Variants in SOX6 observed in about 807,000 individuals in gnomAD.
The protein encoded by SOX6 is transcription factor SOX-6.
SOX6 carries 11 observed loss-of-function variants against 97.8 expected under a neutral mutation model. The observed-to-expected ratio is 0.11, with a 90% CI of 0.07 to 0.19. SOX6 has a LOEUF of 0.19. Ranked by LOEUF, SOX6 falls within the 10% of genes least tolerant of loss-of-function variation. The pLI is 1.00. For synonymous variants in SOX6, 360 were observed against 371.4 expected (o/e 0.97, Z 0.35); for missense variants, 810 against 1,039.5 (o/e 0.78, Z 3.04).
chr11:16,071,628 A>C (rs1848227194), intron 9 of SOX6, among the ~76,000 whole-genome samples: 1 of 152,202 alleles, frequency 6.6e-6, no homozygotes, highest in African/African-American at 2.4e-5. Flanking sequence ...CTTCCAGCCC[A>C]GTGGTCTTGC....
intron 1 of SOX6, among the ~76,000 whole-genome samples, chr11:16,461,784 A>G (rs984264309): frequency 1.2e-4 from 19 of 152,276 alleles, no homozygotes; most frequent in Non-Finnish European, 2.2e-4. Context: ...AGGAAATTCC[A>G]TCTCCTCTCT....
chr11:16,255,150 C>A (rs748321437), intron 3 of SOX6, among the ~76,000 whole-genome samples: 6 of 151,938 alleles, frequency 3.9e-5, no homozygotes, highest in Non-Finnish European at 1.5e-5. Flanking sequence ...TAGATGAATT[C>A]ACTATTATAG....
At chr11:16,162,055 T>A (rs1015970487) in intron 6 of SOX6, among the ~76,000 whole-genome samples, 1 of 152,194 alleles carries the variant, frequency 6.6e-6, no homozygotes, top group Non-Finnish European at 1.5e-5. Context: ...ACAACTGTAA[T>A]AATTGTTCCT....
chr11:16,241,027 G>A (rs773242771), intron 3 of SOX6, among the ~76,000 whole-genome samples: 4 of 151,984 alleles, frequency 2.6e-5, no homozygotes, highest in Non-Finnish European at 4.4e-5. Context: ...GGAGAGGGGT[G>A]CAAAAAATCC....
chr11:16,377,694 C>T (rs1857680954), intron 1 of SOX6, among the ~76,000 whole-genome samples: 1 of 152,112 alleles, frequency 6.6e-6, no homozygotes, highest in South Asian at 2.1e-4. Context: ...AATAACATTT[C>T]CATTGATTGT....
At chr11:16,714,547 G>T (rs1217939288) in intron 3 of SOX6, among the ~76,000 whole-genome samples, 1 of 150,798 alleles carries the variant, frequency 6.6e-6, no homozygotes, top group Non-Finnish European at 1.5e-5. Flanking sequence ...CGCCTCCCGG[G>T]TTCAAGCAAT....
chr11:16,147,265 C>T (rs2134050267), intron 6 of SOX6, among the ~76,000 whole-genome samples: 1 of 152,224 alleles, frequency 6.6e-6, no homozygotes, highest in East Asian at 1.9e-4. Flanking sequence ...ACAAACCAAA[C>T]ACTGCATGTT....
rs148624147 is a variant in SOX6, at chr11:16,001,160, C to T, written c.1733-11930G>A. Among the ~76,000 whole-genome samples the T allele has an allele frequency of 9.9e-5, 15 of 152,186 alleles. No individual in the cohort carries two copies. The East Asian group carries it at 2.5e-3, about 26-fold the overall frequency. Reference sequence around the variant, plus strand: ...GATTACAGACGTGAGCCACTGCTCTCGGCTGGAAACAAACATTTCATTAAT... The same window carrying T: ...GATTACAGACGTGAGCCACTGCTCTTGGCTGGAAACAAACATTTCATTAAT... On this transcript the variant is annotated intron_variant, in intron 13 of 15. Coordinates refer to ENST00000683767, the MANE Select transcript of SOX6 (RefSeq NM_001367873.1).
intron 3 of SOX6, among the ~76,000 whole-genome samples, chr11:16,306,773 A>C (rs1017140526): frequency 6.6e-6 from 1 of 151,750 alleles, no homozygotes; most frequent in African/African-American, 2.4e-5. Context: ...CTACAGGTAC[A>C]TGCCACCATG....
intron 15 of SOX6, among the ~76,000 whole-genome samples, chr11:15,980,582 T>C (rs146464850): frequency 6.6e-6 from 1 of 152,160 alleles, no homozygotes; most frequent in Non-Finnish European, 1.5e-5. Context: ...ACCCTACCCA[T>C]CTTATGTTTT....
intron 1 of SOX6, among the ~76,000 whole-genome samples, chr11:16,414,430 A>G: frequency 6.6e-6 from 1 of 152,224 alleles, no homozygotes; most frequent in East Asian, 1.9e-4. Context: ...AAATTATGAA[A>G]AGAATTGGGA....
intron 3 of SOX6, chr11:16,284,017 G>A (rs1854658626): frequency 3.7e-6 from 1 of 269,250 alleles, no homozygotes; most frequent in Non-Finnish European, 7.2e-6. Flanking sequence ...TAATGAGATA[G>A]AATACTTCTT....
chr11:16,484,384 C>A lies in SOX6; in HGVS notation n.610-7996G>T, dbSNP rs113125898. On this transcript the variant is annotated intron_variant and non_coding_transcript_variant, in intron 4 of 5. Coordinates refer to the SOX6 transcript ENST00000524520. ...GGTAGTCCAGCTTCATGTCACTAAG[C>A]GTCTTCTGGCAGGCTCCTTTAACCA... The A allele has an allele frequency of 4.0e-5, 32 of 794,544 alleles. No homozygotes were observed. The African/African-American group carries it at 4.7e-4, about 12-fold the overall frequency. 49.2% of individuals were successfully genotyped at this position (794,544 alleles called of 1,614,324 possible). A position where few individuals can be genotyped will look rare whatever the true frequency, so the allele number is the denominator to read the frequency against.
chr11:16,349,721 A>AAGGAAGGAAGG, intron 1 of SOX6, among the ~76,000 whole-genome samples: 2 of 99,482 alleles, frequency 2.0e-5, no homozygotes, highest in South Asian at 4.2e-4. Context: ...AGGAAGAAGG[A>AAGGAAGGAAGG]AGGAAGGAAG....
intron 9 of SOX6, among the ~76,000 whole-genome samples, chr11:16,086,478 A>C (rs1848581089): frequency 6.6e-6 from 1 of 152,178 alleles, no homozygotes; most frequent in Admixed American, 6.5e-5. Flanking sequence ...AGCAACATCC[A>C]GATGTCAAGA....
At chr11:16,429,991 T>C (rs1320579766) in intron 1 of SOX6, among the ~76,000 whole-genome samples, 1 of 152,064 alleles carries the variant, frequency 6.6e-6, no homozygotes, top group Non-Finnish European at 1.5e-5. Context: ...AACTATAAAA[T>C]AGAAACAATA....
At chr11:16,734,218 A>G (rs1178811962) in intron 2 of SOX6, among the ~76,000 whole-genome samples, 3 of 152,130 alleles carry the variant, frequency 2.0e-5, no homozygotes, top group African/African-American at 4.8e-5. Flanking sequence ...TGCCTGCCCA[A>G]TGGACAGAAT....
At chr11:16,005,410 GA>G in intron 13 of SOX6, among the ~76,000 whole-genome samples, 1 of 151,828 alleles carries the variant, frequency 6.6e-6, no homozygotes, top group African/African-American at 2.4e-5. Flanking sequence ...GAAAAGAAGA[GA>G]CCATTATCTT....
At chr11:16,019,579 T>C (rs1281936128) in intron 12 of SOX6, among the ~76,000 whole-genome samples, 2 of 152,180 alleles carry the variant, frequency 1.3e-5, no homozygotes, top group South Asian at 2.1e-4. Context: ...TGCCAAATAC[T>C]CTATTTATGT....
Sources: gnomAD v4.1 joint callset for allele counts (sites outside exome capture counted in the v4.1 genomes callset) on GRCh38, gnomAD v4.1.1 for gene constraint, MANE v1.5 for transcripts, NCBI Gene and HGNC (gene_info 2026-07-23, HGNC 2026-07-21) for gene names.